The following CADM2 variants were observed in gnomAD, a reference collection of about 807,000 sequenced individuals.
The protein encoded by CADM2 is immunoglobulin superfamily member 4D.
A neutral mutation model predicts 49.8 loss-of-function variants in CADM2; 12 were observed. That is an observed-to-expected ratio of 0.24 (90% confidence interval 0.15 to 0.39). CADM2 has a LOEUF of 0.39. Ranked by LOEUF, CADM2 falls within the 10% of genes least tolerant of loss-of-function variation. The pLI is 1.00. For missense variants in CADM2, 378 were observed against 492.3 expected, an observed-to-expected ratio of 0.77 and a Z score of 2.20; for synonymous variants, 214 against 175.4, an observed-to-expected ratio of 1.22 and a Z score of -1.74.
intron 1 of CADM2, among the ~76,000 whole-genome samples, chr3:85,203,781 C>G (rs1469673194): frequency 1.3e-5 from 2 of 152,142 alleles, no homozygotes; most frequent in African/African-American, 4.8e-5. Flanking sequence ...AAAATAGGCT[C>G]TATAACATAT....
At chr3:85,506,393 G>A (rs2040353101) in intron 1 of CADM2, among the ~76,000 whole-genome samples, 1 of 152,144 alleles carries the variant, frequency 6.6e-6, no homozygotes, top group Non-Finnish European at 1.5e-5. Context: ...TATTTAGAAT[G>A]TATGAATTGG....
At chr3:85,516,282 CTGTTAT>C (rs1373784224) in intron 1 of CADM2, among the ~76,000 whole-genome samples, 9 of 152,056 alleles carry the variant, frequency 5.9e-5, no homozygotes, top group African/African-American at 2.2e-4. Context: ...ATGAATATTT[CTGTTAT>C]TGTTAGTGAT....
At chr3:85,738,022 G>C (rs1015824039) in intron 2 of CADM2, among the ~76,000 whole-genome samples, 3 of 152,142 alleles carry the variant, frequency 2.0e-5, no homozygotes, top group Non-Finnish European at 4.4e-5. Context: ...CTAGAGACAA[G>C]GCAGGAATGC....
rs187763147 is a variant in CADM2, at chr3:85,802,678, C to A, written c.238+482C>A. Among the ~76,000 whole-genome samples, 374 of 151,948 alleles carry A rather than the reference C, an allele frequency of 2.5e-3. 1 individual carries two copies. Among genetic ancestry groups the A allele is most frequent in the African/African-American group, 8.7e-3 (363 of 41,486 alleles). ...AGAATGTTGAAGTATTTCATGTTTCCAAAATAAACTGAAATTAAGTAAGAA... is the reference window on the plus strand; with the variant it reads ...AGAATGTTGAAGTATTTCATGTTTCAAAAATAAACTGAAATTAAGTAAGAA... On this transcript the variant is annotated intron_variant, in intron 3 of 9. Coordinates refer to ENST00000383699, the MANE Select transcript of CADM2 (RefSeq NM_001167675.2).
At chr3:85,447,023 T>TTG (rs2037498813) in intron 1 of CADM2, among the ~76,000 whole-genome samples, 1 of 139,568 alleles carries the variant, frequency 7.2e-6, no homozygotes, top group Non-Finnish European at 1.5e-5. Flanking sequence ...TATATATATA[T>TTG]ATATATATGC....
chr3:85,995,197 C>T (rs1385397128), intron 8 of CADM2, among the ~76,000 whole-genome samples: 1 of 151,728 alleles, frequency 6.6e-6, no homozygotes, highest in Non-Finnish European at 1.5e-5. Flanking sequence ...AATATTTTAA[C>T]CAAAATTCCA....
chr3:84,959,428 G>T lies in CADM2; in HGVS notation c.-180G>T. The T allele has an allele frequency of 1.7e-6, 1 of 597,226 alleles. No homozygotes were observed. The allele number at this position is 597,226 out of a possible 1,614,324, so 37.0% of individuals were successfully genotyped here. A position where few individuals can be genotyped will look rare whatever the true frequency, so the allele number is the denominator to read the frequency against. On this transcript the variant is annotated 5_prime_UTR_variant, in exon 1 of 10. Transcript: ENST00000383699. ...CGATACCCCATTCTGCGGGTGCTTTGCCGCTGCCGCTTCTGCTGCCGCCGA... is the reference window on the plus strand; with the variant it reads ...CGATACCCCATTCTGCGGGTGCTTTTCCGCTGCCGCTTCTGCTGCCGCCGA...
chr3:85,190,830 T>C (rs892093956), intron 1 of CADM2, among the ~76,000 whole-genome samples: 8 of 152,292 alleles, frequency 5.3e-5, no homozygotes, highest in Admixed American at 1.3e-4. Context: ...AACTAGGATT[T>C]ATTGTTCTCA....
intron 2 of CADM2, among the ~76,000 whole-genome samples, chr3:85,775,813 T>G (rs958342861): frequency 6.6e-6 from 1 of 151,894 alleles, no homozygotes; most frequent in African/African-American, 2.4e-5. Flanking sequence ...AACCCAGAGA[T>G]TCTATTCAGA....
intron 1 of CADM2, among the ~76,000 whole-genome samples, chr3:85,007,509 G>T (rs1199974444): frequency 6.6e-6 from 1 of 152,212 alleles, no homozygotes; most frequent in East Asian, 1.9e-4. Flanking sequence ...GGCATACAAA[G>T]AAATTATTAA....
intron 8 of CADM2, among the ~76,000 whole-genome samples, chr3:85,964,033 A>G (rs910110565): frequency 2.0e-5 from 3 of 151,866 alleles, no homozygotes; most frequent in Non-Finnish European, 4.4e-5. Context: ...ATGGCAAAAT[A>G]AAGGTTTTTT....
chr3:85,689,784 A>G (rs560166846), intron 1 of CADM2, among the ~76,000 whole-genome samples: 26 of 152,352 alleles, frequency 1.7e-4, no homozygotes, highest in Middle Eastern at 3.4e-3. Context: ...AGAAATTCAG[A>G]CTAGACTTAA....
chr3:85,071,116 A>T (rs2036727733), intron 1 of CADM2, among the ~76,000 whole-genome samples: 1 of 152,048 alleles, frequency 6.6e-6, no homozygotes, highest in African/African-American at 2.4e-5. Context: ...ATTAACAAAT[A>T]TTAAAATACT....
At chr3:85,161,956 C>T (rs1488180500) in intron 1 of CADM2, among the ~76,000 whole-genome samples, 1 of 151,946 alleles carries the variant, frequency 6.6e-6, no homozygotes, top group Non-Finnish European at 1.5e-5. Context: ...TTGCAGTGAG[C>T]TGAGATCACA....
intron 8 of CADM2, among the ~76,000 whole-genome samples, chr3:86,029,490 T>A (rs1368041762): frequency 1.3e-5 from 2 of 152,034 alleles, no homozygotes; most frequent in Admixed American, 6.6e-5. Flanking sequence ...GGAGAGAGTT[T>A]GGGTTAGAAA....
At chr3:85,364,535 C>T (rs2107292525) in intron 1 of CADM2, among the ~76,000 whole-genome samples, 1 of 152,276 alleles carries the variant, frequency 6.6e-6, no homozygotes, top group Non-Finnish European at 1.5e-5. Flanking sequence ...AGGGCTTCAG[C>T]ATTTCTGTCA....
chr3:85,060,021 A>G (rs2036243942), intron 1 of CADM2, among the ~76,000 whole-genome samples: 1 of 152,210 alleles, frequency 6.6e-6, no homozygotes, highest in African/African-American at 2.4e-5. Context: ...CTTTAATTTC[A>G]GTAATTCTCG....
intron 1 of CADM2, among the ~76,000 whole-genome samples, chr3:85,009,752 G>C (rs2033898335): frequency 6.6e-6 from 1 of 151,866 alleles, no homozygotes; most frequent in Admixed American, 6.6e-5. Context: ...TGTAGTCCCA[G>C]TTACTCGGGA....
chr3:85,601,386 T>C (rs898535278), intron 1 of CADM2, among the ~76,000 whole-genome samples: 16 of 150,986 alleles, frequency 1.1e-4, no homozygotes, highest in African/African-American at 3.6e-4. Context: ...ATTAAATTCA[T>C]TGAAAATGAC....
Sources: allele counts gnomAD v4.1 joint callset (sites outside exome capture counted in the v4.1 genomes callset), GRCh38; gene constraint gnomAD v4.1.1; transcripts MANE v1.5; gene names NCBI Gene and HGNC (gene_info 2026-07-23, HGNC 2026-07-21).